KATNIP: variants seen among roughly 807,000 people sequenced by gnomAD.
KATNIP encodes katanin-interacting protein.
A neutral mutation model predicts 174.0 loss-of-function variants in KATNIP; 126 were observed. That is an observed-to-expected ratio of 0.72 (90% CI 0.63 to 0.84). The LOEUF is 0.84. KATNIP is among the 40% of genes least tolerant of loss of function. The probability of loss-of-function intolerance (pLI) is 0.00; values close to 1 mark genes in which losing one functional copy is unlikely to be tolerated. For missense variants in KATNIP, 1,958 were observed against 2,109.7 expected (o/e 0.93, Z 1.41); for synonymous variants, 810 against 835.7 (o/e 0.97, Z 0.53).
At chr16:27,648,821 CAGTT>C in intron 6 of KATNIP, 86 bp downstream of exon 6, 2 of 1,441,446 alleles carry the variant, frequency 1.4e-6, no homozygotes, top group Non-Finnish European at 1.9e-6. Context: ...CACTTTCTGA[CAGTT>C]ATTTATTCTG....
chr16:27,732,005 C>T (rs749331048), intron 14 of KATNIP, among the ~76,000 whole-genome samples: 7 of 152,288 alleles, frequency 4.6e-5, no homozygotes, highest in Non-Finnish European at 1.0e-4. Flanking sequence ...ATGTTAGCGC[C>T]GACCCGGTAT....
intron 16 of KATNIP, 113 bp downstream of exon 16, chr16:27,750,419 C>CTT (rs369243500): frequency 4.6e-3 from 3,049 of 666,080 alleles, no homozygotes; most frequent in Middle Eastern, 7.7e-3. Flanking sequence ...CTTTCTCTTT[C>CTT]TTTTTTTTTT....
At chr16:27,561,034 CAG>C (rs1458206972) in intron 1 of KATNIP, among the ~76,000 whole-genome samples, 2 of 150,890 alleles carry the variant, frequency 1.3e-5, no homozygotes, top group Non-Finnish European at 3.0e-5. Context: ...TTTTTCAAGA[CAG>C]AGTCTCGCTG....
At chr16:27,571,983 T>TGG (rs1003115818) in intron 1 of KATNIP, among the ~76,000 whole-genome samples, 11 of 152,016 alleles carry the variant, frequency 7.2e-5, no homozygotes, top group African/African-American at 2.4e-4. Flanking sequence ...CCCTAAATCC[T>TGG]GGGGGTGTGT....
intron 1 of KATNIP, among the ~76,000 whole-genome samples, chr16:27,560,305 AG>A (rs1287933399): frequency 6.6e-6 from 1 of 150,856 alleles, no homozygotes; most frequent in Non-Finnish European, 1.5e-5. Context: ...AAAAAAAAAA[AG>A]GTAATTTCAC....
intron 6 of KATNIP, among the ~76,000 whole-genome samples, chr16:27,656,647 G>C (rs2077298066): frequency 6.7e-6 from 1 of 150,108 alleles, no homozygotes; most frequent in Non-Finnish European, 1.5e-5. Context: ...TAGGGACATG[G>C]ATGAAATTGG....
At chr16:27,619,399 C>T (rs997359769) in intron 3 of KATNIP, among the ~76,000 whole-genome samples, 1 of 152,118 alleles carries the variant, frequency 6.6e-6, no homozygotes, top group African/African-American at 2.4e-5. Context: ...AGAAAAACAA[C>T]GCAGGCCCAC....
Position 27,701,658 on chromosome 16 carries a change from A to C in KATNIP, c.1249A>C (p.Asn417His), listed in dbSNP as rs1386295625. The change falls in exon 11 of 28, where the codon AAC becomes CAC. Residue 417 changes from asparagine to histidine, a missense_variant. Asn to His is a moderately conservative substitution (Grantham distance 68). Coordinates refer to ENST00000261588, the MANE Select transcript of KATNIP (RefSeq NM_015202.5). ...GGCAGCAGGAGGAGCCAGGGCCATC[A>C]ACCAGGCCATGGACAGAATTGGGCT... ...AGAAGGARAINQAMDRIGLLG... is the reference protein window; with the variant it reads ...AGAAGGARAIHQAMDRIGLLG... 1 of 1,607,952 alleles carries C rather than the reference A, an allele frequency of 6.2e-7. No homozygotes were observed. The highest frequency in any genetic ancestry group is 1.3e-5 in the African/African-American group (1 of 74,998).
At chr16:27,749,270 G>C (rs992029335) in intron 15 of KATNIP, among the ~76,000 whole-genome samples, 1 of 152,192 alleles carries the variant, frequency 6.6e-6, no homozygotes, top group Non-Finnish European at 1.5e-5. Context: ...TCTGGAATTG[G>C]GTGATCATAG....
intron 1 of KATNIP, among the ~76,000 whole-genome samples, chr16:27,572,190 T>C (rs948418493): frequency 2.0e-5 from 3 of 151,602 alleles, no homozygotes; most frequent in South Asian, 2.1e-4. Context: ...CCAAGTGGGG[T>C]GGATCACATG....
chr16:27,778,424 G>A, intron 27 of KATNIP, 150 bp from the exon 28 acceptor site: 1 of 721,584 alleles, frequency 1.4e-6, no homozygotes. Flanking sequence ...CGGAGGGAAG[G>A]GGCCAGCGTG....
intron 2 of KATNIP, among the ~76,000 whole-genome samples, chr16:27,612,277 A>T (rs2075913250): frequency 6.6e-6 from 1 of 152,160 alleles, no homozygotes; most frequent in East Asian, 1.9e-4. Flanking sequence ...TAGGTAAAGA[A>T]ACTAGGTGGC....
intron 3 of KATNIP, among the ~76,000 whole-genome samples, chr16:27,620,913 C>G (rs564504896): frequency 6.6e-6 from 1 of 152,322 alleles, no homozygotes; most frequent in Admixed American, 6.5e-5. Context: ...AAGGAAGACA[C>G]AGACTGTATT....
chr16:27,572,362 AACACACACAC>A (rs3056269), intron 1 of KATNIP, among the ~76,000 whole-genome samples: 9 of 138,148 alleles, frequency 6.5e-5, no homozygotes, highest in South Asian at 2.4e-4. Flanking sequence ...CAAAAAAGAA[AACACACACAC>A]ACACACACAC....
chr16:27,694,872 G>A (rs1170954314), intron 8 of KATNIP, among the ~76,000 whole-genome samples: 1 of 152,120 alleles, frequency 6.6e-6, no homozygotes, highest in East Asian at 1.9e-4. Context: ...TGCGTGCACA[G>A]GTCAACTCAG....
intron 20 of KATNIP, among the ~76,000 whole-genome samples, chr16:27,767,732 A>G (rs1444400461): frequency 6.6e-6 from 1 of 152,182 alleles, no homozygotes; most frequent in East Asian, 1.9e-4. Flanking sequence ...AATGAAAAAA[A>G]GAATTGTGTC....
chr16:27,765,251 G>A (rs182775028), intron 19 of KATNIP, among the ~76,000 whole-genome samples: 1 of 152,368 alleles, frequency 6.6e-6, no homozygotes, highest in Non-Finnish European at 1.5e-5. Flanking sequence ...ACAAGGGCCT[G>A]AGGCCTGGGC....
At chr16:27,749,298 C>G (rs1051168091) in intron 15 of KATNIP, among the ~76,000 whole-genome samples, 1 of 152,222 alleles carries the variant, frequency 6.6e-6, no homozygotes, top group African/African-American at 2.4e-5. Flanking sequence ...TTTTACCGAC[C>G]TGAATGGCCC....
At position 27,751,748 on chromosome 16, in the gene KATNIP, T is replaced by C. The variant is rs1397422554; in HGVS notation, c.3376T>C (p.Phe1126Leu). 5 of 1,614,150 alleles carry C rather than the reference T, an allele frequency of 3.1e-6. No homozygotes were observed. The highest frequency in any genetic ancestry group is 4.2e-6 in the Non-Finnish European group (5 of 1,180,058). ...AGAGCACTTTGGAGACACGATCTTA[T>C]TCACAACCGATGATGACATTCTCGA... ...APEHFGDTILFTTDDDILEAI... is the reference protein window; with the variant it reads ...APEHFGDTILLTTDDDILEAI... Residue 1126 changes from phenylalanine to leucine, a missense_variant, in exon 17 of 28, where the codon TTC (phenylalanine) becomes CTC (leucine). This residue lies in a region of KATNIP where 1,557 missense variants were observed against 1,617.8 expected (regional missense o/e 0.96). Coordinates refer to ENST00000261588, the MANE Select transcript of KATNIP (RefSeq NM_015202.5).
Sources: gnomAD v4.1 joint callset for allele counts (sites outside exome capture counted in the v4.1 genomes callset) on GRCh38, gnomAD v4.1.1 for gene constraint, gnomAD v4.1.1 regional missense constraint, MANE v1.5 for transcripts, NCBI Gene and HGNC (gene_info 2026-07-23, HGNC 2026-07-21) for gene names.